BLTP1: variants seen among roughly 807,000 people sequenced by gnomAD.
The protein encoded by BLTP1 is bridge-like lipid transfer protein family member 1.
chr4:122,274,243 C>G, the BLTP1 span: 1 of 729,398 alleles, frequency 1.4e-6, no homozygotes, highest in African/African-American at 1.8e-5. Flanking sequence ...TTAAAATTAT[C>G]TTTTGCTACT....
At chr4:122,304,916 A>G in the BLTP1 span, 7 of 1,613,886 alleles carry the variant, frequency 4.3e-6, no homozygotes, top group East Asian at 4.5e-5. Context: ...AGTAGCAGCT[A>G]TCTGAAACTG....
chr4:122,279,923 C>T, the BLTP1 span: 1 of 1,614,084 alleles, frequency 6.2e-7, no homozygotes, highest in Non-Finnish European at 8.5e-7. Context: ...CATGATGGTT[C>T]GAAGTTCTCA....
At chr4:122,310,416 T>G in the BLTP1 span, among the ~76,000 whole-genome samples, 1 of 152,122 alleles carries the variant, frequency 6.6e-6, no homozygotes, top group Admixed American at 6.6e-5. Context: ...AATATGAGGT[T>G]TTTTTGTGAC....
chr4:122,285,680 T>C, the BLTP1 span, among the ~76,000 whole-genome samples: 4 of 152,222 alleles, frequency 2.6e-5, no homozygotes, highest in Admixed American at 1.3e-4. Context: ...GGATATATAA[T>C]AAATTATATA....
the BLTP1 span, chr4:122,224,999 T>G: frequency 9.7e-7 from 1 of 1,033,496 alleles, no homozygotes; most frequent in Non-Finnish European, 1.2e-6. Context: ...ATTATATTAC[T>G]TGGCCCTCCA....
chr4:122,156,865 C>T, the BLTP1 span, among the ~76,000 whole-genome samples: 1 of 152,098 alleles, frequency 6.6e-6, no homozygotes, highest in African/African-American at 2.4e-5. Context: ...TTTAGGTAGA[C>T]TTCTACTGAG....
At chr4:122,264,181 C>T in the BLTP1 span, 1 of 1,445,058 alleles carries the variant, frequency 6.9e-7, no homozygotes, top group Non-Finnish European at 9.1e-7. Context: ...AAAGTTTACC[C>T]TGCTGTACAC....
the BLTP1 span, chr4:122,271,725 G>A: frequency 6.5e-7 from 1 of 1,536,720 alleles, no homozygotes; most frequent in Non-Finnish European, 8.8e-7. Flanking sequence ...GGACCAGCAG[G>A]TAACAGACAT....
chr4:122,203,031 C>A, the BLTP1 span, among the ~76,000 whole-genome samples: 1 of 151,956 alleles, frequency 6.6e-6, no homozygotes, highest in East Asian at 1.9e-4. Flanking sequence ...TAACAAATAA[C>A]TGTAGAGTCC....
the BLTP1 span, chr4:122,226,652 A>T: frequency 6.2e-7 from 1 of 1,604,806 alleles, no homozygotes; most frequent in Non-Finnish European, 8.5e-7. Context: ...TTTGAACTCT[A>T]AACCCTTGTT....
chr4:122,238,283 G>A, the BLTP1 span: 1 of 1,614,114 alleles, frequency 6.2e-7, no homozygotes, highest in Non-Finnish European at 8.5e-7. Flanking sequence ...TCCTTCATCT[G>A]TTGCTGATGA....
At chr4:122,359,689 T>G in the BLTP1 span, 1 of 1,611,744 alleles carries the variant, frequency 6.2e-7, no homozygotes, top group Non-Finnish European at 8.5e-7. Context: ...AGAGATTTTA[T>G]GTGCAATACA....
chr4:122,314,185 T>C, the BLTP1 span: 4 of 954,456 alleles, frequency 4.2e-6, 1 homozygote, highest in East Asian at 1.2e-4. Context: ...CTGGGAGATG[T>C]GGGCCAGGGA....
the BLTP1 span, chr4:122,301,079 GT>G: frequency 1.1e-6 from 1 of 880,974 alleles, no homozygotes; most frequent in African/African-American, 1.8e-5. Flanking sequence ...AATATATACA[GT>G]GTTTTAATTG....
chr4:122,170,540 C>CT, the BLTP1 span: 2 of 1,387,470 alleles, frequency 1.4e-6, no homozygotes, highest in African/African-American at 1.5e-5. Context: ...TAAATTCACC[C>CT]TTTTTTTCCC....
the BLTP1 span, among the ~76,000 whole-genome samples, chr4:122,285,156 C>T: frequency 2.0e-5 from 3 of 151,944 alleles, no homozygotes; most frequent in Non-Finnish European, 4.4e-5. Context: ...AACAGCAAGT[C>T]GAAAGCCAGA....
the BLTP1 span, chr4:122,306,046 G>A: frequency 1.9e-6 from 3 of 1,600,070 alleles, no homozygotes; most frequent in Non-Finnish European, 2.6e-6. Context: ...TTTGATAGAG[G>A]TAAGATAAAG....
the BLTP1 span, chr4:122,269,208 T>C: frequency 2.8e-6 from 1 of 362,178 alleles, no homozygotes; most frequent in Admixed American, 6.5e-5. Context: ...TATGTTTTCA[T>C]ATATATAACT....
the BLTP1 span, chr4:122,254,235 C>T: frequency 6.2e-7 from 1 of 1,612,338 alleles, no homozygotes; most frequent in Middle Eastern, 1.7e-4. Context: ...AAAGATCTAC[C>T]TCTGATGCCT....
Sources: gnomAD v4.1 joint callset for allele counts (sites outside exome capture counted in the v4.1 genomes callset) on GRCh38, gnomAD v4.1.1 for gene constraint, MANE v1.5 for transcripts, NCBI Gene and HGNC (gene_info 2026-07-23, HGNC 2026-07-21) for gene names.